DOT1L: variants seen among roughly 807,000 people sequenced by gnomAD.
The protein encoded by DOT1L is histone-lysine N-methyltransferase, H3 lysine-79 specific.
In DOT1L, 33 loss-of-function variants were observed where a neutral mutation model predicts 153.3. The ratio of observed to expected loss-of-function variants is 0.22; its 90% confidence interval spans 0.16 to 0.29. The LOEUF is 0.29. DOT1L is among the 10% of genes least tolerant of loss of function. DOT1L has a pLI of 1.00. For missense variants in DOT1L, 1,847 were observed against 2,119.9 expected, an observed-to-expected ratio of 0.87 and a Z score of 2.53; for synonymous variants, 1,135 against 965.1, an observed-to-expected ratio of 1.18 and a Z score of -3.26.
intron 1 of DOT1L, among the ~76,000 whole-genome samples, chr19:2,178,376 A>C (rs1368392015): frequency 6.6e-6 from 1 of 150,540 alleles, no homozygotes. Flanking sequence ...CAGAAAAAAA[A>C]AAAAAACAAA....
At position 2,193,225 on chromosome 19, in the gene DOT1L, C is replaced by G. The variant is rs1235020823; in HGVS notation, c.494-464C>G. 6.6e-6 allele frequency among the ~76,000 whole-genome samples: 1 copy of G among 152,232 alleles called. No homozygotes were observed. The highest frequency in any genetic ancestry group is 2.4e-5 in the African/African-American group (1 of 41,444). On this transcript the variant is annotated intron_variant, in intron 5 of 27. Transcript: ENST00000398665. This position sits in a 1 kb window ranked among gnomAD's most constrained non-coding sequence, Gnocchi z 5.9. ...GGGGGACCCCTCACTGCCTCTCCCA[C>G]CCTACATTGAGCCTCAGTCAGATCC...
rs1471186045 is a variant in DOT1L, at chr19:2,197,100, G to A, written c.651+2523G>A. The stretch of plus-strand genomic sequence containing the variant: ...GGGGTTTTCTGCCGTGGTGGGAGCC[G>A]TGGCCTGCGGTGCTTCCTTGCGGCC... On this transcript the variant is annotated intron_variant, in intron 7 of 27. Transcript: ENST00000398665. The surrounding 1 kb of genome is among the most constrained non-coding windows in gnomAD (Gnocchi z 4.1). Among the ~76,000 whole-genome samples, 2 of 152,162 alleles carry A rather than the reference G, an allele frequency of 1.3e-5. No homozygotes were observed. The highest frequency in any genetic ancestry group is 2.9e-5 in the Non-Finnish European group (2 of 68,014).
At chr19:2,183,649 C>T (rs557730398) in intron 2 of DOT1L, among the ~76,000 whole-genome samples, 1 of 149,274 alleles carries the variant, frequency 6.7e-6, no homozygotes, top group Non-Finnish European at 1.5e-5. Context: ...TTTTTTAAGG[C>T]GGAGTCTCAC....
intron 22 of DOT1L, 147 bp from the exon 23 acceptor site, chr19:2,219,961 C>A: frequency 1.5e-6 from 1 of 672,546 alleles, no homozygotes; most frequent in Non-Finnish European, 2.5e-6. Context: ...CAAGTTCCCC[C>A]GCTGCCCTCT....
chr19:2,209,119 C>A, intron 12 of DOT1L, 143 bp downstream of exon 12: 1 of 816,590 alleles, frequency 1.2e-6, no homozygotes, highest in Non-Finnish European at 1.9e-6. Context: ...GTGCCCTTTC[C>A]CGCCTCCTTC....
rs199617169 is a variant in DOT1L at position 2,222,130 on chromosome 19, C to T, written c.2961C>T (p.His987=). The T allele has an allele frequency of 6.8e-5, 109 of 1,613,212 alleles. No individual in the cohort carries two copies. The East Asian group carries it at 2.3e-3, about 33-fold the overall frequency. Reference sequence around the variant, plus strand: ...GGTCCCGCAGCTCCACGCCACAGCACCCCCTGCTGCTGGCACAGCCCCGGA... The same window carrying T: ...GGTCCCGCAGCTCCACGCCACAGCATCCCCTGCTGCTGGCACAGCCCCGGA... ...TVGSRSSTPQ[H]PLLLAQPRNS... is the part of the protein sequence containing the mutation. The change falls in exon 24 of 28, where the codon CAC becomes CAT. Residue 987 remains histidine (H), a synonymous_variant. Coordinates refer to ENST00000398665, the MANE Select transcript of DOT1L (RefSeq NM_032482.3). The surrounding 1 kb of genome is among the most constrained non-coding windows in gnomAD (Gnocchi z 6.5).
chr19:2,172,507 CT>C (rs879379617), intron 1 of DOT1L, among the ~76,000 whole-genome samples: 336 of 139,656 alleles, frequency 2.4e-3, no homozygotes, highest in Middle Eastern at 3.9e-3. Flanking sequence ...TTCTTTCTTT[CT>C]TTTTTTTTTT....
chr19:2,196,787 G>T (rs556175521), intron 7 of DOT1L, among the ~76,000 whole-genome samples: 116 of 152,310 alleles, frequency 7.6e-4, no homozygotes, highest in Non-Finnish European at 1.3e-3. Context: ...GGGCAAGACG[G>T]GTACCCTTCC....
At chr19:2,228,703 G>T in intron 27 of DOT1L, 2 of 985,404 alleles carry the variant, frequency 2.0e-6, no homozygotes, top group Non-Finnish European at 2.4e-6. Flanking sequence ...AGGGGGCTGG[G>T]AGCTCTAGCT....
At chr19:2,181,965 A>G (rs1458866227) in intron 2 of DOT1L, among the ~76,000 whole-genome samples, 1 of 152,024 alleles carries the variant, frequency 6.6e-6, no homozygotes, top group Non-Finnish European at 1.5e-5. Context: ...GCTCACGCCT[A>G]TAATCCCAGC....
intron 1 of DOT1L, among the ~76,000 whole-genome samples, chr19:2,174,078 C>T (rs2021787909): frequency 6.6e-6 from 1 of 152,240 alleles, no homozygotes; most frequent in African/African-American, 2.4e-5. Context: ...CCACCTCAGC[C>T]TCCTAAAGTG....
chr19:2,173,680 G>T lies in DOT1L; in HGVS notation c.82-7033G>T, dbSNP rs532927893. ...AGTACAGCGGGCACGGGTTCTGCGG[G>T]CTGCCCGGAAGACCTCCCCCAGACC... On this transcript the variant is annotated intron_variant, in intron 1 of 27. Coordinates refer to ENST00000398665, the MANE Select transcript of DOT1L (RefSeq NM_032482.3). 1.6e-4 allele frequency among the ~76,000 whole-genome samples: 24 copies of T among 152,366 alleles called. No homozygotes were observed. The South Asian group carries it at 5.0e-3, about 32-fold the overall frequency.
chr19:2,210,585 C>G (rs1275483398), intron 13 of DOT1L, 36 bp from the exon 14 acceptor site: 3 of 1,603,342 alleles, frequency 1.9e-6, no homozygotes, highest in Non-Finnish European at 2.6e-6. Flanking sequence ...GTGGGAGGCT[C>G]TGTGCCCATC....
At chr19:2,227,243 T>C (rs1489907860) in intron 27 of DOT1L, 116 bp downstream of exon 27, 1 of 1,358,628 alleles carries the variant, frequency 7.4e-7, no homozygotes, top group Admixed American at 1.7e-5. Flanking sequence ...GGTCCCCTGG[T>C]GCCGGCCGGC....
chr19:2,189,716 C>T lies in DOT1L; in HGVS notation c.201-16C>T, dbSNP rs764139743. ...CTCCTGCCCGCATGACCAGGGCCTT[C>T]CCTTGCCTTTTTCAGCTTCGAGAGC... On this transcript the variant is annotated splice_polypyrimidine_tract_variant and intron_variant, in intron 3 of 27. Coordinates refer to ENST00000398665, the MANE Select transcript of DOT1L (RefSeq NM_032482.3). 4.3e-6 allele frequency: 7 copies of T among 1,609,294 alleles called. No individual in the cohort carries two copies. In the Admixed American group the frequency reaches 1.2e-4, roughly 27 times the overall value.
intron 25 of DOT1L, among the ~76,000 whole-genome samples, chr19:2,224,816 G>A (rs574796098): frequency 2.0e-5 from 3 of 152,304 alleles, no homozygotes; most frequent in African/African-American, 2.4e-5. Flanking sequence ...GTGCGTGCAC[G>A]TGTTACACGA....
chr19:2,217,962 CA>C lies in DOT1L; in HGVS notation c.2691+48del, dbSNP rs2023966816. ...GCTGTCCCCAAGGGCCACGTTGAGG[CA>C]AAACAGTCTGGGGTGCTCGAGACCT... On this transcript the variant is annotated intron_variant, in intron 22 of 27. Transcript: ENST00000398665. The surrounding 1 kb of genome is among the most constrained non-coding windows in gnomAD (Gnocchi z 7.3). 3.8e-6 allele frequency: 6 copies of C among 1,598,910 alleles called. No homozygotes were observed. Among genetic ancestry groups the C allele is most frequent in the Non-Finnish European group, 5.1e-6 (6 of 1,175,306 alleles).
At chr19:2,213,484 TG>T in intron 16 of DOT1L, 54 bp from the exon 17 acceptor site, 1 of 1,558,702 alleles carries the variant, frequency 6.4e-7, no homozygotes. Context: ...GCCCTCCCTG[TG>T]GGCCCTCAGT....
In DOT1L at chr19:2,226,701, C is replaced by T. The variant is rs2024347065; in HGVS notation, c.4180C>T (p.Leu1394=). ...CGGCAAGGAGGCAGGGGAGGGCGGC[C>T]TACCGCTGTGCGGGCCCACGGACAA... ...SRGKEAGEGG[L]PLCGPTDKTP... The change falls in exon 27 of 28, where the codon CTA becomes TTA. Residue 1394 remains leucine, a synonymous_variant. Transcript: ENST00000398665. 1.3e-6 allele frequency: 2 copies of T among 1,571,028 alleles called. No individual in the cohort carries two copies. Among genetic ancestry groups the T allele is most frequent in the South Asian group, 1.2e-5 (1 of 86,258 alleles).
Sources: allele counts gnomAD v4.1 joint callset (sites outside exome capture counted in the v4.1 genomes callset), GRCh38; gene constraint gnomAD v4.1.1; non-coding constraint Gnocchi (gnomAD v3.1); transcripts MANE v1.5; gene names NCBI Gene and HGNC (gene_info 2026-07-23, HGNC 2026-07-21).